The following THSD4 variants were observed in gnomAD, a reference collection of about 807,000 sequenced individuals.
THSD4 encodes thrombospondin type 1 domain containing 4, also known as thrombospondin type-1 domain-containing protein 4.
A neutral mutation model predicts 119.0 loss-of-function variants in THSD4; 69 were observed. The observed-to-expected ratio is 0.58, with a 90% CI of 0.48 to 0.71. THSD4 has a LOEUF of 0.71. Among genes scored for constraint, THSD4 ranks in the 30% least tolerant of loss-of-function variants. The pLI, the probability that THSD4 is intolerant of heterozygous loss-of-function variation, is 0.00. For synonymous variants in THSD4, 524 were observed against 540.4 expected, an observed-to-expected ratio of 0.97 and a Z score of 0.42; for missense variants, 1,393 against 1,391.1, an observed-to-expected ratio of 1.00 and a Z score of -0.02.
rs75035837 is a variant in THSD4 at position 71,605,792 on chromosome 15, C to T, written c.1153-54738C>T. ...AGGTTGGAGATGTAAATGTAGTATTCAATGCCAAGAGGCAAGATGAGATTA... is the reference window on the plus strand; with the variant it reads ...AGGTTGGAGATGTAAATGTAGTATTTAATGCCAAGAGGCAAGATGAGATTA... On this transcript the variant is annotated intron_variant, in intron 7 of 17. Coordinates refer to ENST00000261862, the MANE Select transcript of THSD4 (RefSeq NM_024817.3). 1.4e-4 allele frequency among the ~76,000 whole-genome samples: 21 copies of T among 152,258 alleles called. No homozygotes were observed. The East Asian group carries it at 4.0e-3, about 29-fold the overall frequency.
intron 7 of THSD4, among the ~76,000 whole-genome samples, chr15:71,442,660 G>GTATGTATGTATGTA (rs1555414328): frequency 1.5e-4 from 4 of 25,828 alleles, no homozygotes; most frequent in Non-Finnish European, 3.7e-4. Context: ...GTGTGTGTGT[G>GTATGTATGTATGTA]TATATATATA....
intron 6 of THSD4, among the ~76,000 whole-genome samples, chr15:71,385,084 T>G (rs2046278707): frequency 6.6e-6 from 1 of 152,200 alleles, no homozygotes; most frequent in Non-Finnish European, 1.5e-5. Context: ...ATCTGAGGCC[T>G]ATAGCTGGAT....
intron 7 of THSD4, among the ~76,000 whole-genome samples, chr15:71,504,816 A>G (rs1310795406): frequency 6.6e-6 from 1 of 152,140 alleles, no homozygotes; most frequent in Non-Finnish European, 1.5e-5. Context: ...TTCCATTGCC[A>G]TCCTTTTTCT....
chr15:71,104,131 T>C (rs1177679927), intron 1 of THSD4, among the ~76,000 whole-genome samples: 6 of 152,234 alleles, frequency 3.9e-5, no homozygotes, highest in African/African-American at 1.4e-4. Flanking sequence ...TCTTTTTGCT[T>C]TTTAAATCAT....
chr15:71,463,416 C>T (rs1450808410), intron 7 of THSD4, among the ~76,000 whole-genome samples: 5 of 152,186 alleles, frequency 3.3e-5, no homozygotes, highest in African/African-American at 1.2e-4. Flanking sequence ...AGCCAACTAT[C>T]AGTCGCCCAA....
chr15:71,484,284 T>C (rs796470891), intron 7 of THSD4, among the ~76,000 whole-genome samples: 4 of 152,368 alleles, frequency 2.6e-5, no homozygotes, highest in African/African-American at 9.6e-5. Context: ...AGAATGGTTC[T>C]ACTTTTCTAA....
chr15:71,635,895 A>G (rs374134642), intron 7 of THSD4, among the ~76,000 whole-genome samples: 1 of 152,208 alleles, frequency 6.6e-6, no homozygotes. Flanking sequence ...ATAGATGAGG[A>G]AACTGAGGCT....
intron 7 of THSD4, among the ~76,000 whole-genome samples, chr15:71,428,786 T>A (rs2046906687): frequency 6.6e-6 from 1 of 152,162 alleles, no homozygotes; most frequent in African/African-American, 2.4e-5. Context: ...TAACCAGTGG[T>A]TGATAATTTC....
rs902253839 is a variant in THSD4 at position 71,243,068 on chromosome 15, A to G, written c.884A>G (p.Tyr295Cys). 7.4e-6 allele frequency: 12 copies of G among 1,613,936 alleles called. No homozygotes were observed. Among genetic ancestry groups the G allele is most frequent in the African/African-American group, 2.7e-5 (2 of 74,934 alleles). Residue 295 changes from tyrosine (Y) to cysteine (C), a missense_variant, in exon 5 of 18, where the codon TAT (tyrosine) becomes TGT (cysteine). Coordinates refer to ENST00000261862, the MANE Select transcript of THSD4 (RefSeq NM_024817.3). ...ACAGCAATCTCATGCATCGGGGCCT[A>G]TCGGCAGTACAAGCTGTGCAACACC... ...RSTAISCIGAYRQYKLCNTNV... is the reference protein window; with the variant it reads ...RSTAISCIGACRQYKLCNTNV...
intron 7 of THSD4, among the ~76,000 whole-genome samples, chr15:71,569,722 G>T (rs572451091): frequency 2.0e-5 from 3 of 152,196 alleles, no homozygotes; most frequent in Non-Finnish European, 2.9e-5. Context: ...GGCTGGGTGC[G>T]GTAGCTTAGG....
chr15:71,208,736 G>A (rs562708470), intron 3 of THSD4, among the ~76,000 whole-genome samples: 4 of 151,858 alleles, frequency 2.6e-5, no homozygotes, highest in South Asian at 2.1e-4. Context: ...GGTCACGAAC[G>A]CCTGACCTCA....
intron 6 of THSD4, among the ~76,000 whole-genome samples, chr15:71,279,878 G>A (rs1194340694): frequency 6.6e-6 from 1 of 152,130 alleles, no homozygotes; most frequent in East Asian, 1.9e-4. Flanking sequence ...GGGGTAGCAG[G>A]AAGAGCAATG....
intron 7 of THSD4, among the ~76,000 whole-genome samples, chr15:71,650,477 G>A (rs1429878973): frequency 1.3e-5 from 2 of 152,034 alleles, no homozygotes; most frequent in African/African-American, 4.8e-5. Flanking sequence ...AGTAACAGGG[G>A]GCCAGAGAAA....
chr15:71,737,612 T>A, intron 10 of THSD4, 120 bp from the exon 11 acceptor site: 2 of 1,354,930 alleles, frequency 1.5e-6, no homozygotes, highest in East Asian at 2.5e-5. Flanking sequence ...GATGTGCTTA[T>A]GTGCTGTGAC....
chr15:71,486,472 G>T (rs528083119), intron 7 of THSD4, among the ~76,000 whole-genome samples: 1 of 152,232 alleles, frequency 6.6e-6, no homozygotes, highest in African/African-American at 2.4e-5. Flanking sequence ...ATCCGTAAAT[G>T]CCCATTCTCT....
In THSD4 at chr15:71,731,413, T is replaced by C. The variant is rs58312477; in HGVS notation, c.1630+196T>C. ...CTGAGCCTTCACTGATGAGACTGTT[T>C]CATTCACTCGATTCCAAAATGGCAT... On this transcript the variant is annotated intron_variant, in intron 10 of 17. Coordinates refer to ENST00000261862, the MANE Select transcript of THSD4 (RefSeq NM_024817.3). 1.1e-3 allele frequency: 660 copies of C among 580,090 alleles called. 2 individuals are homozygous for C. The highest frequency in any genetic ancestry group is 0.011 in the African/African-American group (602 of 53,438). The allele number at this position is 580,090 out of a possible 1,614,324, so 35.9% of individuals were successfully genotyped here. A position where few individuals can be genotyped will look rare whatever the true frequency, so the allele number is the denominator to read the frequency against.
At chr15:71,431,788 G>GC (rs2046945958) in intron 7 of THSD4, among the ~76,000 whole-genome samples, 1 of 152,058 alleles carries the variant, frequency 6.6e-6, no homozygotes, top group Non-Finnish European at 1.5e-5. Flanking sequence ...ACAATTCAAG[G>GC]CAACCCTCCA....
chr15:71,605,014 G>A lies in THSD4; in HGVS notation c.1153-55516G>A, dbSNP rs1046384507. ...TTTTTGGGAAGGCAGTATTTGCTCC[G>A]AGACCCAAAGGAGGTAAGGTGGTTG... is the stretch of plus-strand genomic sequence containing the variant. On this transcript the variant is annotated intron_variant, in intron 7 of 17. Coordinates refer to ENST00000261862, the MANE Select transcript of THSD4 (RefSeq NM_024817.3). Among the ~76,000 whole-genome samples the A allele has an allele frequency of 2.2e-4, 34 of 152,080 alleles. 2 individuals carry two copies. Among genetic ancestry groups the A allele is most frequent in the Admixed American group, 5.9e-4 (9 of 15,272 alleles).
chr15:71,200,602 G>C (rs1162133941), intron 3 of THSD4, among the ~76,000 whole-genome samples: 1 of 152,158 alleles, frequency 6.6e-6, no homozygotes, highest in Non-Finnish European at 1.5e-5. Flanking sequence ...TCCGAATAAT[G>C]GTTCTGAAAA....
Sources: allele counts gnomAD v4.1 joint callset (sites outside exome capture counted in the v4.1 genomes callset), GRCh38; gene constraint gnomAD v4.1.1; transcripts MANE v1.5; gene names NCBI Gene and HGNC (gene_info 2026-07-23, HGNC 2026-07-21).